The following GRK5 variants were observed in gnomAD, a reference collection of about 807,000 sequenced individuals.
GRK5 encodes G protein-coupled receptor kinase 5, also known as g protein-coupled receptor kinase GRK5.
A neutral mutation model predicts 78.4 loss-of-function variants in GRK5; 40 were observed. The ratio of observed to expected loss-of-function variants is 0.51; its 90% CI spans 0.40 to 0.66. The LOEUF is 0.66. GRK5 is among the 30% of genes least tolerant of loss of function. The probability of loss-of-function intolerance (pLI) is 0.00; values close to 1 mark genes in which losing one functional copy is unlikely to be tolerated. For missense variants in GRK5, 598 were observed against 759.9 expected, an observed-to-expected ratio of 0.79 and a Z score of 2.50; for synonymous variants, 289 against 296.8, an observed-to-expected ratio of 0.97 and a Z score of 0.27.
intron 1 of GRK5, among the ~76,000 whole-genome samples, chr10:119,247,432 T>G (rs1849131508): frequency 6.6e-6 from 1 of 152,118 alleles, no homozygotes; most frequent in African/African-American, 2.4e-5. Context: ...CTTTATAAAT[T>G]AAAGTTTATG....
chr10:119,398,355 G>T (rs1484022614), intron 4 of GRK5, among the ~76,000 whole-genome samples: 1 of 152,182 alleles, frequency 6.6e-6, no homozygotes, highest in Non-Finnish European at 1.5e-5. Flanking sequence ...CCCTGGCTGG[G>T]CTCCTATGGT....
intron 2 of GRK5, among the ~76,000 whole-genome samples, chr10:119,328,738 G>A (rs1850719931): frequency 6.6e-6 from 1 of 152,240 alleles, no homozygotes; most frequent in East Asian, 1.9e-4. Context: ...TCTCCAAGGG[G>A]AGCAATGTGA....
chr10:119,399,210 G>A (rs183251343), intron 4 of GRK5, among the ~76,000 whole-genome samples: 1 of 152,364 alleles, frequency 6.6e-6, no homozygotes, highest in East Asian at 1.9e-4. Context: ...CACACCATAT[G>A]TTACGGCCAG....
chr10:119,240,442 C>T (rs1849006587), intron 1 of GRK5, among the ~76,000 whole-genome samples: 2 of 151,970 alleles, frequency 1.3e-5, no homozygotes, highest in Non-Finnish European at 2.9e-5. Flanking sequence ...ACATCATGAT[C>T]TGCCCGCCTC....
intron 1 of GRK5, among the ~76,000 whole-genome samples, chr10:119,240,293 T>A (rs1180824457): frequency 6.8e-6 from 1 of 146,454 alleles, no homozygotes; most frequent in Non-Finnish European, 1.5e-5. Flanking sequence ...CTCTTTCCTC[T>A]GGGTTCATGC....
chr10:119,375,427 C>G (rs749951955), intron 2 of GRK5, among the ~76,000 whole-genome samples: 38 of 152,206 alleles, frequency 2.5e-4, no homozygotes, highest in Non-Finnish European at 1.5e-4. Flanking sequence ...GGCCACCACC[C>G]CTGAAACTGA....
chr10:119,436,913 G>A, intron 9 of GRK5, 72 bp downstream of exon 9: 1 of 1,382,666 alleles, frequency 7.2e-7, no homozygotes, highest in Non-Finnish European at 9.8e-7. Flanking sequence ...ACACCCTCGG[G>A]CAGGTGGTTG....
At chr10:119,269,807 T>C (rs903952946) in intron 1 of GRK5, among the ~76,000 whole-genome samples, 2 of 140,026 alleles carry the variant, frequency 1.4e-5, no homozygotes, top group African/African-American at 5.4e-5. Flanking sequence ...CACTCCAGCC[T>C]GCAAGATGGA....
chr10:119,452,629 G>A lies in GRK5; in HGVS notation c.1405-42G>A, dbSNP rs371876443. 5.6e-6 allele frequency: 9 copies of A among 1,610,628 alleles called. No homozygotes were observed. The highest frequency in any genetic ancestry group is 3.3e-5 in the South Asian group (3 of 90,942). On this transcript the variant is annotated intron_variant, in intron 13 of 15. Transcript: ENST00000392870. This position sits in a 1 kb window ranked among gnomAD's most constrained non-coding sequence, Gnocchi z 4.4. ...GGCCTGGCTCGGGGCCACTGGAGCC[G>A]CAGGCGGGACATATGTGTGACCGGC... is the stretch of plus-strand genomic sequence containing the variant.
At chr10:119,232,846 A>G (rs1848854267) in intron 1 of GRK5, among the ~76,000 whole-genome samples, 1 of 152,254 alleles carries the variant, frequency 6.6e-6, no homozygotes, top group African/African-American at 2.4e-5. Context: ...ACACTAGCAC[A>G]AATAAATGAT....
intron 6 of GRK5, among the ~76,000 whole-genome samples, chr10:119,428,370 T>G (rs1852745029): frequency 6.6e-6 from 1 of 152,230 alleles, no homozygotes; most frequent in South Asian, 2.1e-4. Flanking sequence ...CCATGTGTGC[T>G]TGGAGCAGTA....
At chr10:119,303,869 G>T (rs1039674379) in intron 1 of GRK5, among the ~76,000 whole-genome samples, 1 of 152,026 alleles carries the variant, frequency 6.6e-6, no homozygotes, top group African/African-American at 2.4e-5. Context: ...GACCCCAGCC[G>T]TCCCTTGGGT....
At chr10:119,223,398 G>A (rs1168915754) in intron 1 of GRK5, among the ~76,000 whole-genome samples, 1 of 152,150 alleles carries the variant, frequency 6.6e-6, no homozygotes, top group Non-Finnish European at 1.5e-5. Context: ...TGGAACACAG[G>A]CCCTGCCTGT....
chr10:119,456,396 AG>A lies in GRK5; in HGVS notation c.*1333del. ...GAGGACTTGGTGGCTTTGCCAGCCC[AG>A]GGGCCTCTGAAGGCAGCCCCCAGAC... On this transcript the variant is annotated 3_prime_UTR_variant, in exon 16 of 16. Transcript: ENST00000392870. The surrounding 1 kb of genome is among the most constrained non-coding windows in gnomAD (Gnocchi z 5.5). 1 of 152,354 alleles carries A rather than the reference AG, an allele frequency of 6.6e-6. No homozygotes were observed. The highest frequency in any genetic ancestry group is 1.5e-5 in the Non-Finnish European group (1 of 68,048). The allele number at this position is 152,354 out of a possible 1,614,324, so 9.4% of individuals were successfully genotyped here.
chr10:119,374,599 GCTTAT>G (rs1172455007), intron 2 of GRK5, among the ~76,000 whole-genome samples: 1 of 152,160 alleles, frequency 6.6e-6, no homozygotes, highest in Non-Finnish European at 1.5e-5. Context: ...GACGTGTGTT[GCTTAT>G]TGTATGTGCA....
intron 2 of GRK5, among the ~76,000 whole-genome samples, chr10:119,329,487 C>T (rs141084819): frequency 0.028 from 4,270 of 152,264 alleles, 65 homozygotes; most frequent in Non-Finnish European, 0.044. Context: ...AAACTTGCAA[C>T]CCACAATGCC....
chr10:119,298,931 TC>T (rs1850128365), intron 1 of GRK5, among the ~76,000 whole-genome samples: 1 of 152,126 alleles, frequency 6.6e-6, no homozygotes, highest in South Asian at 2.1e-4. Context: ...CTGCAGACTT[TC>T]CCCATGCTCC....
Position 119,455,660 on chromosome 10 carries a change from C to T in GRK5, c.*593C>T, listed in dbSNP as rs1037518508. ...ATTGGTTGTATTTACCCACATCTAT[C>T]TCTGGAGCCATTTCCTCACATTGGT... On this transcript the variant is annotated 3_prime_UTR_variant, in exon 16 of 16. Transcript: ENST00000392870. 1 of 257,056 alleles carries T rather than the reference C, an allele frequency of 3.9e-6. No homozygotes were observed. The highest frequency in any genetic ancestry group is 2.4e-5 in the African/African-American group (1 of 42,106). 15.9% of individuals were successfully genotyped at this position (257,056 alleles called of 1,614,324 possible). A position where few individuals can be genotyped will look rare whatever the true frequency, so the allele number is the denominator to read the frequency against.
At chr10:119,239,936 G>C (rs1589696096) in intron 1 of GRK5, among the ~76,000 whole-genome samples, 3 of 152,098 alleles carry the variant, frequency 2.0e-5, no homozygotes, top group Admixed American at 6.6e-5. Flanking sequence ...CATTTGGGTT[G>C]GTTCCAAGTC....
Sources: allele counts gnomAD v4.1 joint callset (sites outside exome capture counted in the v4.1 genomes callset), GRCh38; gene constraint gnomAD v4.1.1; non-coding constraint Gnocchi (gnomAD v3.1); transcripts MANE v1.5; gene names NCBI Gene and HGNC (gene_info 2026-07-23, HGNC 2026-07-21).